Variants in DOCK8 observed in about 807,000 individuals in gnomAD.
DOCK8 encodes dedicator of cytokinesis protein 8.
In DOCK8, 141 loss-of-function variants were observed where a neutral mutation model predicts 245.6. The ratio of observed to expected loss-of-function variants is 0.57; its 90% confidence interval spans 0.50 to 0.66. DOCK8 has a LOEUF of 0.66. Ranked by LOEUF, DOCK8 falls within the 30% of genes least tolerant of loss-of-function variation. The probability of loss-of-function intolerance (pLI) is 0.00; values close to 1 mark genes in which losing one functional copy is unlikely to be tolerated. For synonymous variants in DOCK8, 1,168 were observed against 970.2 expected (o/e 1.20, Z -3.79); for missense variants, 2,965 against 2,603.4 (o/e 1.14, Z -3.02).
intron 1 of DOCK8, among the ~76,000 whole-genome samples, chr9:235,730 G>A (rs1445727621): frequency 1.3e-5 from 2 of 152,170 alleles, no homozygotes; most frequent in Non-Finnish European, 2.9e-5. Context: ...CTCCTGGTGT[G>A]CCGTTTTTTA....
chr9:369,457 C>T (rs549665634), intron 15 of DOCK8: 57 of 152,336 alleles, frequency 3.7e-4, no homozygotes, highest in African/African-American at 1.4e-3. Flanking sequence ...GGTGAGTGCA[C>T]TTGTTCATAA....
intron 5 of DOCK8, among the ~76,000 whole-genome samples, chr9:306,206 G>A (rs76362188): frequency 0.13 from 19,466 of 152,146 alleles, 1,447 homozygotes; most frequent in Admixed American, 0.17. Context: ...GAAATGATTC[G>A]AGGTTTTTAA....
intron 43 of DOCK8, 38 bp downstream of exon 43, chr9:443,554 A>G (rs749894680): frequency 7.2e-6 from 11 of 1,524,972 alleles, no homozygotes; most frequent in Non-Finnish European, 1.0e-5. Flanking sequence ...ATCAAGCTCT[A>G]AATCCCTTCG....
rs189081338 is a variant in DOCK8 at position 249,617 on chromosome 9, T to A, written c.54-22010T>A. 8.6e-4 allele frequency among the ~76,000 whole-genome samples: 131 copies of A among 152,214 alleles called. 1 individual carries two copies. Among genetic ancestry groups the A allele is most frequent in the African/African-American group, 3.1e-3 (128 of 41,524 alleles). On this transcript the variant is annotated intron_variant, in intron 1 of 47. Coordinates refer to ENST00000432829, the MANE Select transcript of DOCK8 (RefSeq NM_203447.4). ...CTCTTTTCTTATTTTTTAATTTTTT[T>A]AATTTTTTATTTTTTGAGACGGAGT...
At position 215,319 on chromosome 9, in the gene DOCK8, G is replaced by A. The variant is rs372168854; in HGVS notation, c.53+290G>A. The A allele has an allele frequency of 6.2e-6, 10 of 1,603,924 alleles. No homozygotes were observed. The African/African-American group carries it at 6.8e-5, about 11-fold the overall frequency. On this transcript the variant is annotated intron_variant, in intron 1 of 47. Transcript: ENST00000432829. ...CAACCTCGCCCGCTCCGCCCTCCAG[G>A]TTCTTACAGGTGGCCGGGTCCCAGA...
At chr9:241,785 A>G (rs923181890) in intron 1 of DOCK8, among the ~76,000 whole-genome samples, 4 of 152,192 alleles carry the variant, frequency 2.6e-5, no homozygotes, top group African/African-American at 7.2e-5. Context: ...AGCAAATTCT[A>G]TATTCCATAT....
intron 2 of DOCK8, among the ~76,000 whole-genome samples, chr9:275,581 T>C (rs1055601474): frequency 2.0e-5 from 3 of 152,188 alleles, no homozygotes; most frequent in Non-Finnish European, 2.9e-5. Context: ...TGTTATTTAT[T>C]TATTTAAAAT....
chr9:273,109 T>C (rs1361985878), intron 2 of DOCK8: 2 of 985,306 alleles, frequency 2.0e-6, no homozygotes, highest in Non-Finnish European at 2.4e-6. Flanking sequence ...AGGTATGTTT[T>C]ACTGGAGTGA....
chr9:211,556 G>A (rs1001908876), upstream of DOCK8, among the ~76,000 whole-genome samples: 1 of 152,118 alleles, frequency 6.6e-6, no homozygotes, highest in African/African-American at 2.4e-5. Context: ...TAATTTATAA[G>A]GGCTGGACCG....
At chr9:320,128 C>G (rs1377724745) in intron 7 of DOCK8, among the ~76,000 whole-genome samples, 1 of 151,522 alleles carries the variant, frequency 6.6e-6, no homozygotes, top group East Asian at 1.9e-4. Flanking sequence ...GTTCTGTGAT[C>G]AGAGATGGCT....
intron 14 of DOCK8, among the ~76,000 whole-genome samples, chr9:361,390 G>A (rs1309748659): frequency 1.3e-5 from 2 of 152,134 alleles, no homozygotes; most frequent in Non-Finnish European, 2.9e-5. Context: ...ATTTTAAAAG[G>A]CACTCCGTTT....
At chr9:267,201 T>G (rs2048055662) in intron 1 of DOCK8, among the ~76,000 whole-genome samples, 3 of 152,170 alleles carry the variant, frequency 2.0e-5, no homozygotes, top group Non-Finnish European at 4.4e-5. Context: ...GTATGCAATT[T>G]GTTTGTTTTT....
chr9:400,869 T>G (rs867384254), intron 26 of DOCK8, among the ~76,000 whole-genome samples: 20 of 26,148 alleles, frequency 7.6e-4, no homozygotes, highest in Admixed American at 1.4e-3. Context: ...TCCTCCACCA[T>G]CACCACCACC....
In DOCK8 at chr9:337,718, G is replaced by T. The variant is rs538588761; in HGVS notation, c.1422+1000G>T. 3.9e-5 allele frequency among the ~76,000 whole-genome samples: 6 copies of T among 152,334 alleles called. No individual in the cohort carries two copies. In the South Asian group the frequency reaches 6.2e-4, roughly 16 times the overall value. The stretch of plus-strand genomic sequence containing the variant: ...AGAGACAGAAAGTAGAATGACGGTT[G>T]CCAGGGTCTAGGGATAGAGGGGTGG... On this transcript the variant is annotated intron_variant, in intron 12 of 47. Coordinates refer to ENST00000432829, the MANE Select transcript of DOCK8 (RefSeq NM_203447.4).
intron 1 of DOCK8, among the ~76,000 whole-genome samples, chr9:258,180 AT>A (rs1478475149): frequency 1.3e-5 from 2 of 152,232 alleles, no homozygotes; most frequent in African/African-American, 2.4e-5. Flanking sequence ...AGGCATGTGT[AT>A]TTCACAACTG....
intron 29 of DOCK8, among the ~76,000 whole-genome samples, chr9:417,839 T>C (rs1018409942): frequency 6.6e-6 from 1 of 152,258 alleles, no homozygotes. Context: ...TTGAAAACTT[T>C]TTGTTCACAC....
chr9:415,692 G>GCACACACGCACACACGCA (rs1554699022), intron 29 of DOCK8, among the ~76,000 whole-genome samples: 62 of 151,088 alleles, frequency 4.1e-4, no homozygotes, highest in East Asian at 2.0e-3. Context: ...GTGCGCGCGT[G>GCACACACGCACACACGCA]CACACACACA....
At position 307,338 on chromosome 9, in the gene DOCK8, G is replaced by GTTTTTT. The variant is rs1165775428; in HGVS notation, c.528+2667_528+2672dup. Among the ~76,000 whole-genome samples the GTTTTTT allele has an allele frequency of 1.3e-3, 65 of 51,196 alleles. 1 individual carries two copies. The highest frequency in any genetic ancestry group is 0.018 in the Middle Eastern group (1 of 56). The allele number at this position is 51,196 out of a possible 152,430, so 33.6% of individuals were successfully genotyped here. On this transcript the variant is annotated intron_variant, in intron 5 of 47. Transcript: ENST00000432829. ...CACTGTGTTGTGTGTGGTTTTTTTT[G>GTTTTTT]TTTTTTTTTTTTTTTTTTTTTTTTT...
In DOCK8 at chr9:439,329, TA is replaced by T. The variant is rs1385234044; in HGVS notation, c.5165del (p.Tyr1722SerfsTer8). 2.5e-6 allele frequency: 4 copies of T among 1,614,126 alleles called. No individual in the cohort carries two copies. Among genetic ancestry groups the T allele is most frequent in the Non-Finnish European group, 3.4e-6 (4 of 1,180,024 alleles). ...PDEDGVCAGQ[Y>X]FTESGLVGLL... ...CGAGGATGGGGTGTGCGCAGGCCAG[TA>T]CTTCACCGAGAGTGGCCTGGTAGGC... On this transcript the variant is annotated frameshift_variant, in exon 40 of 48. Coordinates refer to ENST00000432829, the MANE Select transcript of DOCK8 (RefSeq NM_203447.4). LOFTEE classifies it high-confidence loss of function.
Sources: allele counts gnomAD v4.1 joint callset (sites outside exome capture counted in the v4.1 genomes callset), GRCh38; gene constraint gnomAD v4.1.1; transcripts MANE v1.5; gene names NCBI Gene and HGNC (gene_info 2026-07-23, HGNC 2026-07-21).